TTC29: variants seen among roughly 807,000 people sequenced by gnomAD.
The protein encoded by TTC29 is tetratricopeptide repeat domain 29.
TTC29 carries 49 observed loss-of-function variants against 58.1 expected under a neutral mutation model. That is an observed-to-expected ratio of 0.84 (90% CI 0.67 to 1.07). The LOEUF (loss-of-function observed/expected upper bound fraction) is 1.07. Among genes scored for constraint, TTC29 ranks in the 50% least tolerant of loss-of-function variants. TTC29 has a pLI of 0.00. For synonymous variants in TTC29, 209 were observed against 196.8 expected (o/e 1.06, Z -0.52); for missense variants, 582 against 555.6 (o/e 1.05, Z -0.48).
At chr4:146,738,923 C>T (rs1194051303) in intron 11 of TTC29, among the ~76,000 whole-genome samples, 2 of 152,070 alleles carry the variant, frequency 1.3e-5, no homozygotes, top group Non-Finnish European at 2.9e-5. Flanking sequence ...GCTCTGCAGC[C>T]CTTACCCCGT....
At chr4:146,728,407 T>C (rs1330955146) in intron 11 of TTC29, among the ~76,000 whole-genome samples, 2 of 152,014 alleles carry the variant, frequency 1.3e-5, no homozygotes, top group African/African-American at 4.8e-5. Context: ...AATCAACTCC[T>C]ACACATATAT....
chr4:146,901,770 C>T (rs1313797456), intron 6 of TTC29, among the ~76,000 whole-genome samples: 3 of 152,126 alleles, frequency 2.0e-5, no homozygotes, highest in Non-Finnish European at 4.4e-5. Context: ...ATTGTGTATC[C>T]CCTTGCTCTA....
intron 11 of TTC29, among the ~76,000 whole-genome samples, chr4:146,761,410 C>G (rs528190774): frequency 6.1e-4 from 93 of 151,996 alleles, no homozygotes; most frequent in African/African-American, 2.0e-3. Context: ...AGAAGATTCT[C>G]TTGTGTCACA....
intron 11 of TTC29, among the ~76,000 whole-genome samples, chr4:146,773,451 A>G (rs2150076689): frequency 6.6e-6 from 1 of 152,104 alleles, no homozygotes; most frequent in Non-Finnish European, 1.5e-5. Flanking sequence ...TATTGAAAAC[A>G]TTTTCTGCAT....
intron 11 of TTC29, among the ~76,000 whole-genome samples, chr4:146,769,402 C>A (rs1296448846): frequency 6.6e-6 from 1 of 151,888 alleles, no homozygotes; most frequent in African/African-American, 2.4e-5. Flanking sequence ...CTTACTTTAT[C>A]AATTATGGGA....
intron 8 of TTC29, among the ~76,000 whole-genome samples, chr4:146,836,764 T>C (rs1728538781): frequency 6.6e-6 from 1 of 152,066 alleles, no homozygotes; most frequent in South Asian, 2.1e-4. Flanking sequence ...TCAGTGATCA[T>C]TAGAGAAATG....
chr4:146,729,755 C>T (rs765094080), intron 11 of TTC29, among the ~76,000 whole-genome samples: 38 of 152,028 alleles, frequency 2.5e-4, no homozygotes, highest in Middle Eastern at 3.4e-3. Context: ...TCTTATATGG[C>T]GGCAGGCAAG....
intron 7 of TTC29, among the ~76,000 whole-genome samples, chr4:146,872,600 A>C (rs1255918530): frequency 6.6e-6 from 1 of 152,130 alleles, no homozygotes; most frequent in Admixed American, 6.6e-5. Context: ...TCTGCCGAGA[A>C]GATATACAAA....
chr4:146,780,302 GGTGTGTGT>G (rs57951745), intron 11 of TTC29, among the ~76,000 whole-genome samples: 6,126 of 138,456 alleles, frequency 0.044, 336 homozygotes, highest in African/African-American at 0.13. Context: ...CCTAACTTGG[GGTGTGTGT>G]GTGTGTGTGT....
intron 8 of TTC29, among the ~76,000 whole-genome samples, chr4:146,852,926 T>C (rs1425577821): frequency 6.6e-6 from 1 of 152,214 alleles, no homozygotes; most frequent in Non-Finnish European, 1.5e-5. Context: ...TTTTACTTTA[T>C]GAATTCATTT....
chr4:146,753,332 C>G (rs1162334001), intron 11 of TTC29, among the ~76,000 whole-genome samples: 1 of 152,172 alleles, frequency 6.6e-6, no homozygotes, highest in African/African-American at 2.4e-5. Context: ...CAGAGAAATG[C>G]AAATCAAAAC....
intron 6 of TTC29, among the ~76,000 whole-genome samples, chr4:146,882,755 G>A (rs993232462): frequency 2.6e-5 from 4 of 152,082 alleles, no homozygotes; most frequent in African/African-American, 9.7e-5. Context: ...TGGTGACGAG[G>A]AGAGTGAGGA....
At chr4:146,766,160 T>C (rs560892735) in intron 11 of TTC29, among the ~76,000 whole-genome samples, 6 of 152,002 alleles carry the variant, frequency 3.9e-5, no homozygotes, top group Non-Finnish European at 7.4e-5. Flanking sequence ...CCATGACCAT[T>C]GTATGGGTGT....
intron 11 of TTC29, among the ~76,000 whole-genome samples, chr4:146,717,421 G>A (rs543225109): frequency 6.6e-6 from 1 of 152,070 alleles, no homozygotes; most frequent in East Asian, 1.9e-4. Flanking sequence ...GGGATTATAG[G>A]GGCCCACTAT....
chr4:146,742,064 C>A (rs1253089332), intron 11 of TTC29, among the ~76,000 whole-genome samples: 2 of 152,214 alleles, frequency 1.3e-5, no homozygotes, highest in Non-Finnish European at 2.9e-5. Flanking sequence ...AATGGCACAG[C>A]TGGTAAATGG....
At chr4:146,738,902 A>C (rs951836687) in intron 11 of TTC29, among the ~76,000 whole-genome samples, 3 of 152,128 alleles carry the variant, frequency 2.0e-5, no homozygotes, top group Admixed American at 2.0e-4. Context: ...GCACCCAGGG[A>C]GGGTATGGAT....
At chr4:146,914,928 TG>T (rs1734122844) in intron 4 of TTC29, among the ~76,000 whole-genome samples, 1 of 152,162 alleles carries the variant, frequency 6.6e-6, no homozygotes, top group African/African-American at 2.4e-5. Context: ...GAGAATTTAC[TG>T]CTAAACAGCC....
chr4:146,850,066 G>A (rs1445255504), intron 8 of TTC29, among the ~76,000 whole-genome samples: 3 of 152,184 alleles, frequency 2.0e-5, no homozygotes, highest in South Asian at 2.1e-4. Context: ...CATCTTCATT[G>A]TTAGTTTTCC....
At chr4:146,836,444 T>G (rs952567870) in intron 8 of TTC29, among the ~76,000 whole-genome samples, 2 of 152,108 alleles carry the variant, frequency 1.3e-5, no homozygotes, top group Non-Finnish European at 2.9e-5. Context: ...CCTCTGATCC[T>G]CAGGAACATG....
Sources: gnomAD v4.1 joint callset for allele counts (sites outside exome capture counted in the v4.1 genomes callset) on GRCh38, gnomAD v4.1.1 for gene constraint, MANE v1.5 for transcripts, NCBI Gene and HGNC (gene_info 2026-07-23, HGNC 2026-07-21) for gene names.